The following ABCA13 variants were observed in gnomAD, a reference collection of about 807,000 sequenced individuals.
The protein encoded by ABCA13 is ATP-binding cassette sub-family A member 13.
In ABCA13, 476 loss-of-function variants were observed where a neutral mutation model predicts 478.7. The ratio of observed to expected loss-of-function variants is 0.99; its 90% CI spans 0.92 to 1.07. ABCA13 has a LOEUF of 1.07. ABCA13 is among the 50% of genes least tolerant of loss of function. The pLI, the probability that ABCA13 is intolerant of heterozygous loss-of-function variation, is 0.00. For synonymous variants in ABCA13, 2,252 were observed against 2,158.9 expected (o/e 1.04, Z -1.20); for missense variants, 6,060 against 5,910.6 (o/e 1.03, Z -0.83).
chr7:48,192,054 T>G (rs1797177379), intron 1 of ABCA13, among the ~76,000 whole-genome samples: 2 of 152,226 alleles, frequency 1.3e-5, no homozygotes, highest in Non-Finnish European at 2.9e-5. Context: ...CTTTTGTATT[T>G]GCAAAATGAT....
intron 59 of ABCA13, among the ~76,000 whole-genome samples, chr7:48,633,981 T>TA (rs769770625): frequency 2.1e-4 from 32 of 149,334 alleles, no homozygotes; most frequent in Non-Finnish European, 4.3e-4. Context: ...GATAGATAGA[T>TA]GACAGAGAGA....
At chr7:48,425,861 C>G (rs1821344595) in intron 41 of ABCA13, among the ~76,000 whole-genome samples, 1 of 152,042 alleles carries the variant, frequency 6.6e-6, no homozygotes. Flanking sequence ...CCTGCCTCAG[C>G]CTCCGGAGTA....
At chr7:48,537,487 G>A (rs886267536) in intron 55 of ABCA13, among the ~76,000 whole-genome samples, 5 of 152,160 alleles carry the variant, frequency 3.3e-5, no homozygotes, top group African/African-American at 1.2e-4. Flanking sequence ...GCAATGGCGA[G>A]AGCACACCTG....
intron 45 of ABCA13, among the ~76,000 whole-genome samples, chr7:48,472,247 T>A (rs13222486): frequency 0.16 from 24,116 of 151,946 alleles, 2,436 homozygotes; most frequent in East Asian, 0.23. Context: ...AGAAAAAAAA[T>A]ATTGAAGTTA....
chr7:48,236,377 A>C (rs1789954408), intron 8 of ABCA13, among the ~76,000 whole-genome samples: 3 of 152,184 alleles, frequency 2.0e-5, no homozygotes, highest in Admixed American at 2.0e-4. Flanking sequence ...ACCAAAAGGA[A>C]ATTTATACTC....
rs531678219 is a variant in ABCA13, at chr7:48,418,598, C to T, written c.12459+6015C>T. Among the ~76,000 whole-genome samples, 51 of 152,242 alleles carry T rather than the reference C, an allele frequency of 3.3e-4. 1 individual carries two copies. The South Asian group carries it at 5.2e-3, about 15-fold the overall frequency. On this transcript the variant is annotated intron_variant, in intron 41 of 61. Transcript: ENST00000435803. The stretch of plus-strand genomic sequence containing the variant: ...GTTAACTTCATTTTTCTCATCCCTA[C>T]GGTAGGTTTATCTTCCCTATCTTCC...
Position 48,392,049 on chromosome 7 carries a change from A to T in ABCA13, c.11783A>T (p.Asp3928Val). Residue 3928 changes from aspartate (D) to valine (V), a missense_variant, in exon 38 of 62, where the codon GAC (aspartate) becomes GTC (valine). Around this residue, in one of 3 missense-constraint regions of ABCA13, gnomAD observed 1,627 missense variants for 1,571.0 expected, o/e 1.04. Transcript: ENST00000435803. The part of the protein sequence containing the change: ...GVCPQQDILL[D>V]NLTVREHLLL... ...TGTCCGCAGCAGGACATCCTGTTGG[A>T]CAACCTCACCGTCCGGGAACATTTG... 1 of 1,613,976 alleles carries T rather than the reference A, an allele frequency of 6.2e-7. No homozygotes were observed. The highest frequency in any genetic ancestry group is 1.1e-5 in the South Asian group (1 of 91,080).
intron 58 of ABCA13, among the ~76,000 whole-genome samples, chr7:48,599,596 A>G (rs1398670963): frequency 6.6e-6 from 1 of 152,158 alleles, no homozygotes; most frequent in Non-Finnish European, 1.5e-5. Flanking sequence ...CAGTTTATCA[A>G]TTTAGAACTA....
intron 8 of ABCA13, among the ~76,000 whole-genome samples, chr7:48,238,104 A>T (rs1388420399): frequency 6.6e-6 from 1 of 152,234 alleles, no homozygotes; most frequent in Admixed American, 6.5e-5. Context: ...CTGTTATAAC[A>T]AAAGACCACA....
In ABCA13 at chr7:48,341,926, T is replaced by C. The variant is rs541047291; in HGVS notation, c.10204+3471T>C. Among the ~76,000 whole-genome samples the C allele has an allele frequency of 2.8e-4, 34 of 119,860 alleles. No homozygotes were observed. The East Asian group carries it at 8.0e-3, about 28-fold the overall frequency. The allele number at this position is 119,860 out of a possible 152,430, so 78.6% of individuals were successfully genotyped here. On this transcript the variant is annotated intron_variant, in intron 29 of 61. Transcript: ENST00000435803. ...TGATATATATATACTCATATATATA[T>C]ACTCATATATATATATTCATATATA...
chr7:48,353,483 C>G (rs1554465328), intron 31 of ABCA13, among the ~76,000 whole-genome samples: 1 of 151,332 alleles, frequency 6.6e-6, no homozygotes, highest in Non-Finnish European at 1.5e-5. Flanking sequence ...GTTATGAGAA[C>G]AGGGACAAGT....
At chr7:48,470,481 A>G (rs1361886825) in intron 44 of ABCA13, among the ~76,000 whole-genome samples, 3 of 152,236 alleles carry the variant, frequency 2.0e-5, no homozygotes, top group African/African-American at 2.4e-5. Flanking sequence ...TACATATCAG[A>G]TACAGTACTC....
intron 23 of ABCA13, among the ~76,000 whole-genome samples, chr7:48,299,071 G>T (rs1799790786): frequency 1.3e-5 from 2 of 152,160 alleles, no homozygotes; most frequent in Admixed American, 6.5e-5. Context: ...ATGGGGTATG[G>T]TTTCTCTGTG....
intron 7 of ABCA13, among the ~76,000 whole-genome samples, chr7:48,232,995 C>T (rs1172957234): frequency 1.3e-5 from 2 of 152,272 alleles, no homozygotes; most frequent in East Asian, 3.9e-4. Context: ...AGTACCTCTT[C>T]AACATACAAT....
intron 55 of ABCA13, among the ~76,000 whole-genome samples, chr7:48,531,832 T>C (rs1197782061): frequency 2.6e-5 from 4 of 151,746 alleles, no homozygotes; most frequent in African/African-American, 9.7e-5. Flanking sequence ...AGCTACTGAT[T>C]TGTGTACATT....
At chr7:48,477,436 C>A (rs909800780) in intron 45 of ABCA13, among the ~76,000 whole-genome samples, 1 of 151,976 alleles carries the variant, frequency 6.6e-6, no homozygotes, top group Non-Finnish European at 1.5e-5. Context: ...AAGACACATG[C>A]ACACGTATGT....
At chr7:48,467,862 G>T (rs1489927815) in intron 44 of ABCA13, among the ~76,000 whole-genome samples, 1 of 152,144 alleles carries the variant, frequency 6.6e-6, no homozygotes, top group Non-Finnish European at 1.5e-5. Flanking sequence ...AGTCATATTG[G>T]TAATTAGTGT....
Position 48,278,930 on chromosome 7 carries a change from T to A in ABCA13, c.7736T>A (p.Ile2579Lys), listed in dbSNP as rs141656210. 1.9e-4 allele frequency: 312 copies of A among 1,613,330 alleles called. 1 individual carries two copies. The African/African-American group carries it at 3.5e-3, about 18-fold the overall frequency. ...LVKEIATLKK[I>K]DHFTFEKIND... Reference sequence around the variant, plus strand: ...AAAGAAATAGCTACTTTAAAAAAAATAGATCATTTCACATTTGAAAAGATA... The same window carrying A: ...AAAGAAATAGCTACTTTAAAAAAAAAAGATCATTTCACATTTGAAAAGATA... The change falls in exon 18 of 62, where the codon ATA becomes AAA. Residue 2579 changes from isoleucine to lysine, a missense_variant. Ile to Lys is a moderately radical substitution (Grantham distance 102). Transcript: ENST00000435803.
intron 15 of ABCA13, among the ~76,000 whole-genome samples, chr7:48,254,533 G>A (rs79015623): frequency 0.019 from 2,824 of 152,182 alleles, 79 homozygotes; most frequent in African/African-American, 0.065. Flanking sequence ...GACACCCAAA[G>A]CACTCTACAT....
Sources: allele counts gnomAD v4.1 joint callset (sites outside exome capture counted in the v4.1 genomes callset), GRCh38; gene constraint gnomAD v4.1.1; regional missense constraint gnomAD v4.1.1; transcripts MANE v1.5; gene names NCBI Gene and HGNC (gene_info 2026-07-23, HGNC 2026-07-21).